The following HSD17B11 variants were observed in gnomAD, a reference collection of about 807,000 sequenced individuals.
The protein encoded by HSD17B11 is estradiol 17-beta-dehydrogenase 11.
Under a neutral mutation model 27.8 loss-of-function variants are expected in HSD17B11, and 22 were observed. The observed-to-expected ratio is 0.79, with a 90% CI of 0.56 to 1.13. The LOEUF is 1.13. HSD17B11 is among the 50% of genes most tolerant of loss of function. The pLI is 0.00. For synonymous variants in HSD17B11, 117 were observed against 132.8 expected, an observed-to-expected ratio of 0.88 and a Z score of 0.82; for missense variants, 314 against 351.1, an observed-to-expected ratio of 0.89 and a Z score of 0.84.
At chr4:87,342,897 G>C (rs894875537) in intron 5 of HSD17B11, among the ~76,000 whole-genome samples, 5 of 152,188 alleles carry the variant, frequency 3.3e-5, no homozygotes, top group African/African-American at 1.2e-4. Flanking sequence ...ACGGAAGCTT[G>C]CAGCATAAAC....
intron 5 of HSD17B11, among the ~76,000 whole-genome samples, chr4:87,355,430 C>T (rs1038146899): frequency 6.6e-6 from 1 of 151,670 alleles, no homozygotes; most frequent in African/African-American, 2.4e-5. Flanking sequence ...AAACACCTCA[C>T]AGAACCTAAA....
At chr4:87,370,708 C>T (rs1293196722) in intron 4 of HSD17B11, among the ~76,000 whole-genome samples, 2 of 147,100 alleles carry the variant, frequency 1.4e-5, no homozygotes, top group African/African-American at 5.0e-5. Context: ...TGAGCCTCCA[C>T]GCCTGGCCTA....
chr4:87,370,541 G>A (rs111544354), intron 4 of HSD17B11, among the ~76,000 whole-genome samples: 2 of 151,320 alleles, frequency 1.3e-5, no homozygotes, highest in Admixed American at 6.6e-5. Context: ...TCAGCCTCCC[G>A]ACTAGCTGGG....
At chr4:87,357,110 T>G (rs1455400518) in intron 5 of HSD17B11, among the ~76,000 whole-genome samples, 169 bp downstream of exon 5, 1 of 152,230 alleles carries the variant, frequency 6.6e-6, no homozygotes, top group African/African-American at 2.4e-5. Flanking sequence ...TTGCTTTCTC[T>G]CTTTTTGGCT....
chr4:87,363,161 C>T (rs551980648), intron 4 of HSD17B11, among the ~76,000 whole-genome samples: 1 of 152,134 alleles, frequency 6.6e-6, no homozygotes, highest in East Asian at 1.9e-4. Context: ...GCTTGGCCCC[C>T]GGGGAGATGG....
intron 4 of HSD17B11, among the ~76,000 whole-genome samples, chr4:87,368,239 C>T (rs1225318834): frequency 6.6e-6 from 1 of 152,120 alleles, no homozygotes; most frequent in Non-Finnish European, 1.5e-5. Flanking sequence ...ATGGCATGAA[C>T]CCGGGAGGCA....
At chr4:87,356,885 T>C (rs191870116) in intron 5 of HSD17B11, among the ~76,000 whole-genome samples, 2 of 152,260 alleles carry the variant, frequency 1.3e-5, no homozygotes, top group African/African-American at 4.8e-5. Flanking sequence ...CTTTTTTAAA[T>C]GTAGAGTTCC....
At chr4:87,365,961 A>G (rs528253304) in intron 4 of HSD17B11, 16 of 152,226 alleles carry the variant, frequency 1.1e-4, no homozygotes, top group African/African-American at 3.9e-4. Context: ...GGTTCAAGCA[A>G]TTCTTCTGTC....
chr4:87,375,200 G>C (rs1293954191), intron 2 of HSD17B11, among the ~76,000 whole-genome samples: 1 of 152,106 alleles, frequency 6.6e-6, no homozygotes, highest in Non-Finnish European at 1.5e-5. Context: ...TTCCCGTCTT[G>C]TACGCAATGA....
Position 87,340,322 on chromosome 4 carries a change from C to G in HSD17B11, c.812+168G>C, listed in dbSNP as rs553112508. On this transcript the variant is annotated intron_variant, in intron 6 of 6. Coordinates refer to ENST00000358290, the MANE Select transcript of HSD17B11 (RefSeq NM_016245.5). ...TGTGGAAATTACTCGGTTCATTTAC[C>G]CAAGAGCTGTATCAATCTTGCCTCA... 6 of 416,116 alleles carry G rather than the reference C, an allele frequency of 1.4e-5. No homozygotes were observed. The East Asian group carries it at 2.3e-4, about 16-fold the overall frequency. The allele number at this position is 416,116 out of a possible 1,614,324, so 25.8% of individuals were successfully genotyped here. A position where few individuals can be genotyped will look rare whatever the true frequency, so the allele number is the denominator to read the frequency against.
chr4:87,380,977 TCCAGA>T (rs1260025531), intron 2 of HSD17B11, among the ~76,000 whole-genome samples: 1 of 149,772 alleles, frequency 6.7e-6, no homozygotes, highest in African/African-American at 2.5e-5. Flanking sequence ...GGTCAGGAGT[TCCAGA>T]CCAGACCACC....
At chr4:87,359,446 G>A (rs746663894) in intron 4 of HSD17B11, among the ~76,000 whole-genome samples, 1 of 152,158 alleles carries the variant, frequency 6.6e-6, no homozygotes, top group Admixed American at 6.5e-5. Context: ...CTTCAACCTA[G>A]GAACTTCTGT....
At chr4:87,364,108 G>A (rs182521373) in intron 4 of HSD17B11, among the ~76,000 whole-genome samples, 1 of 152,024 alleles carries the variant, frequency 6.6e-6, no homozygotes, top group Non-Finnish European at 1.5e-5. Flanking sequence ...CTGGAAAAAG[G>A]TTTTTTCTTC....
chr4:87,388,431 C>T (rs1192277453), intron 1 of HSD17B11, among the ~76,000 whole-genome samples: 1 of 152,070 alleles, frequency 6.6e-6, no homozygotes, highest in African/African-American at 2.4e-5. Flanking sequence ...CTAGACCTTT[C>T]TTGTGCTTCT....
intron 5 of HSD17B11, among the ~76,000 whole-genome samples, chr4:87,354,085 T>C (rs1308028409): frequency 1.3e-5 from 2 of 152,194 alleles, no homozygotes; most frequent in East Asian, 3.9e-4. Context: ...TAACAAAAAT[T>C]GTGTATTAAA....
At chr4:87,379,747 T>C (rs1464865128) in intron 2 of HSD17B11, among the ~76,000 whole-genome samples, 2 of 137,768 alleles carry the variant, frequency 1.5e-5, no homozygotes, top group East Asian at 2.0e-4. Flanking sequence ...TAGTATACTA[T>C]AGTATAATAT....
chr4:87,359,596 T>C (rs1205620029), intron 4 of HSD17B11, among the ~76,000 whole-genome samples: 1 of 152,174 alleles, frequency 6.6e-6, no homozygotes, highest in Non-Finnish European at 1.5e-5. Context: ...ACTCCTGGGG[T>C]TAAGTCATAC....
At chr4:87,384,340 GT>G (rs1262177474) in intron 1 of HSD17B11, among the ~76,000 whole-genome samples, 1 of 152,132 alleles carries the variant, frequency 6.6e-6, no homozygotes, top group East Asian at 1.9e-4. Context: ...TAAAACATGT[GT>G]GTTTGAACAA....
At chr4:87,375,281 T>G (rs995710483) in intron 2 of HSD17B11, among the ~76,000 whole-genome samples, 20 of 152,230 alleles carry the variant, frequency 1.3e-4, no homozygotes, top group African/African-American at 4.8e-4. Context: ...AAAAAAATCC[T>G]TTTTATTTTA....
Sources: allele counts gnomAD v4.1 joint callset (sites outside exome capture counted in the v4.1 genomes callset), GRCh38; gene constraint gnomAD v4.1.1; transcripts MANE v1.5; gene names NCBI Gene and HGNC (gene_info 2026-07-23, HGNC 2026-07-21).